The following TMEM50B variants were observed in gnomAD, a reference collection of about 807,000 sequenced individuals.
TMEM50B encodes transmembrane protein 50B.
TMEM50B carries 14 observed loss-of-function variants against 23.4 expected under a neutral mutation model. The ratio of observed to expected loss-of-function variants is 0.60; its 90% CI spans 0.39 to 0.93. TMEM50B has a LOEUF of 0.93. TMEM50B is among the 40% of genes least tolerant of loss of function. The pLI, the probability that TMEM50B is intolerant of heterozygous loss-of-function variation, is 0.00. For missense variants in TMEM50B, 159 were observed against 193.0 expected (o/e 0.82, Z 1.04); for synonymous variants, 64 against 62.3 (o/e 1.03, Z -0.13).
downstream of TMEM50B, among the ~76,000 whole-genome samples, chr21:33,445,470 A>C (rs1163733640): frequency 6.6e-6 from 1 of 152,288 alleles, no homozygotes; most frequent in Non-Finnish European, 1.5e-5. Context: ...AAAGCTAAAA[A>C]GTCATCAGAT....
chr21:33,436,076 T>C (rs2083945765), intron 8 of TMEM50B, among the ~76,000 whole-genome samples: 2 of 151,120 alleles, frequency 1.3e-5, no homozygotes, highest in African/African-American at 2.4e-5. Context: ...AAAAAATTGT[T>C]GCCGGGTGCA....
downstream of TMEM50B, among the ~76,000 whole-genome samples, chr21:33,445,486 A>C (rs1383965198): frequency 1.3e-5 from 2 of 152,296 alleles, no homozygotes; most frequent in African/African-American, 4.8e-5. Flanking sequence ...CAGATGAGAA[A>C]GGAAACATCC....
intron 8 of TMEM50B, among the ~76,000 whole-genome samples, chr21:33,435,846 T>C (rs1433609870): frequency 1.6e-5 from 2 of 123,760 alleles, no homozygotes; most frequent in Admixed American, 1.1e-4. Context: ...TCCACGCCAC[T>C]GCACTCCAGC....
chr21:33,437,875 T>G (rs556721721), intron 8 of TMEM50B, among the ~76,000 whole-genome samples: 1 of 151,570 alleles, frequency 6.6e-6, no homozygotes, highest in South Asian at 2.1e-4. Flanking sequence ...TCCCAGCTAC[T>G]TGAGAGGCTA....
intron 4 of TMEM50B, among the ~76,000 whole-genome samples, chr21:33,461,801 T>A (rs2084219244): frequency 7.1e-6 from 1 of 140,322 alleles, no homozygotes; most frequent in Non-Finnish European, 1.6e-5. Flanking sequence ...CAAAACTGTT[T>A]CAAAAAAAAA....
intron 8 of TMEM50B, chr21:33,437,078 C>CCTGTT: frequency 9.8e-7 from 1 of 1,022,860 alleles, no homozygotes; most frequent in Non-Finnish European, 1.5e-6. Context: ...CTCTAAAAGG[C>CCTGTT]CTGTCCCTGC....
intron 1 of TMEM50B, chr21:33,478,928 A>T (rs1253377892): frequency 4.7e-6 from 2 of 425,994 alleles, no homozygotes; most frequent in African/African-American, 4.2e-5. Context: ...TCCTCCGAAA[A>T]GAGAAAATCG....
downstream of TMEM50B, among the ~76,000 whole-genome samples, chr21:33,444,374 C>T (rs1299805788): frequency 1.8e-4 from 27 of 151,992 alleles, no homozygotes; most frequent in Admixed American, 1.7e-3. Context: ...ATGGTGAAAC[C>T]GTGTCTCTAC....
At chr21:33,446,669 A>AAC (rs2084061058), downstream of TMEM50B, among the ~76,000 whole-genome samples, 1 of 148,580 alleles carries the variant, frequency 6.7e-6, no homozygotes, top group Non-Finnish European at 1.5e-5. Flanking sequence ...AAAAAAAAAA[A>AAC]AAAAAAAAAC....
intron 1 of TMEM50B, among the ~76,000 whole-genome samples, chr21:33,477,030 A>T (rs980240871): frequency 2.0e-5 from 3 of 151,050 alleles, no homozygotes; most frequent in Non-Finnish European, 4.4e-5. Context: ...GCTGGGCAGG[A>T]TGGCTCACAC....
In TMEM50B at chr21:33,442,681, G is replaced by A. The variant is rs140052449; in HGVS notation, c.*2037-3384C>T. On this transcript the variant is annotated intron_variant and NMD_transcript_variant, in intron 7 of 8. Transcript: ENST00000420455. ...CATGCCTGTAATCCCAGCACTTTGG[G>A]AGGCAGAGGCAGGCAGATCACTTGA... Among the ~76,000 whole-genome samples, 585 of 152,256 alleles carry A rather than the reference G, an allele frequency of 3.8e-3. 4 individuals carry two copies. Among genetic ancestry groups the A allele is most frequent in the African/African-American group, 0.014 (563 of 41,548 alleles).
chr21:33,471,569 C>T lies in TMEM50B; in HGVS notation c.-41-2643G>A, dbSNP rs987634719. On this transcript the variant is annotated intron_variant, in intron 1 of 6. Transcript: ENST00000542230. ...GAGAATCTTAGTAGAGAAAAGGAAACTATTTTTTAAAAAAAGAATCAGGAG... is the reference window on the plus strand; with the variant it reads ...GAGAATCTTAGTAGAGAAAAGGAAATTATTTTTTAAAAAAAGAATCAGGAG... Among the ~76,000 whole-genome samples, 2 of 152,016 alleles carry T rather than the reference C, an allele frequency of 1.3e-5. 1 individual carries two copies. The highest frequency in any genetic ancestry group is 1.3e-4 in the Admixed American group (2 of 15,254).
chr21:33,444,582 C>A (rs2084035758), downstream of TMEM50B, among the ~76,000 whole-genome samples: 1 of 151,394 alleles, frequency 6.6e-6, no homozygotes, highest in African/African-American at 2.4e-5. Context: ...TCACAACTTC[C>A]ATGGTGGGAG....
intron 7 of TMEM50B, among the ~76,000 whole-genome samples, chr21:33,440,733 T>C (rs1485505516): frequency 6.6e-6 from 1 of 150,784 alleles, no homozygotes; most frequent in Non-Finnish European, 1.5e-5. Context: ...AATACAAAGA[T>C]TAGCTGGGCG....
At chr21:33,442,667 T>TC (rs2084018126) in intron 7 of TMEM50B, among the ~76,000 whole-genome samples, 1 of 152,112 alleles carries the variant, frequency 6.6e-6, no homozygotes, top group African/African-American at 2.4e-5. Flanking sequence ...ATGCCTGTAA[T>TC]CCCAGCACTT....
At chr21:33,469,351 T>C (rs1253867988) in intron 1 of TMEM50B, among the ~76,000 whole-genome samples, 2 of 152,158 alleles carry the variant, frequency 1.3e-5, no homozygotes. Flanking sequence ...CTCGGGAGGC[T>C]GAGGAACAAG....
intron 4 of TMEM50B, among the ~76,000 whole-genome samples, chr21:33,463,803 A>T (rs1235033183): frequency 6.6e-6 from 1 of 152,142 alleles, no homozygotes; most frequent in East Asian, 1.9e-4. Context: ...CTATAATCAC[A>T]GCTACTTGAG....
chr21:33,474,548 C>T (rs2084348417), intron 1 of TMEM50B, among the ~76,000 whole-genome samples: 1 of 150,526 alleles, frequency 6.6e-6, no homozygotes, highest in Admixed American at 6.6e-5. Flanking sequence ...CTTTGGGAGG[C>T]CAAGGTGGGT....
At chr21:33,475,827 A>ATG (rs1209436568) in intron 1 of TMEM50B, among the ~76,000 whole-genome samples, 1 of 152,014 alleles carries the variant, frequency 6.6e-6, no homozygotes, top group Non-Finnish European at 1.5e-5. Flanking sequence ...GGTGGCACGC[A>ATG]CCTGTAGTCC....
Sources: gnomAD v4.1 joint callset for allele counts (sites outside exome capture counted in the v4.1 genomes callset) on GRCh38, gnomAD v4.1.1 for gene constraint, MANE v1.5 for transcripts, NCBI Gene and HGNC (gene_info 2026-07-23, HGNC 2026-07-21) for gene names.